Variants in SEMA3A observed in about 807,000 individuals in gnomAD.
SEMA3A encodes semaphorin 3A.
A neutral mutation model predicts 97.9 loss-of-function variants in SEMA3A; 29 were observed. The ratio of observed to expected loss-of-function variants is 0.30; its 90% CI spans 0.22 to 0.40. The LOEUF (loss-of-function observed/expected upper bound fraction) is 0.40. Ranked by LOEUF, SEMA3A falls within the 10% of genes least tolerant of loss-of-function variation. The pLI, the probability that SEMA3A is intolerant of heterozygous loss-of-function variation, is 1.00. For missense variants in SEMA3A, 763 were observed against 951.3 expected (o/e 0.80, Z 2.60); for synonymous variants, 321 against 323.7 (o/e 0.99, Z 0.09).
chr7:84,175,414 A>T (rs1797532351), intron 1 of SEMA3A, among the ~76,000 whole-genome samples: 1 of 152,208 alleles, frequency 6.6e-6, no homozygotes. Context: ...CTTATTTCAA[A>T]ATGCATTATG....
At chr7:84,424,773 T>A (rs1197580502) in intron 1 of SEMA3A, among the ~76,000 whole-genome samples, 39 of 101,264 alleles carry the variant, frequency 3.9e-4, no homozygotes, top group African/African-American at 1.4e-3. Context: ...TAGATATAAA[T>A]ATATAATATT....
chr7:84,304,247 C>T (rs1022338959), intron 3 of SEMA3A, among the ~76,000 whole-genome samples: 3 of 152,028 alleles, frequency 2.0e-5, no homozygotes, highest in African/African-American at 7.2e-5. Context: ...GGATGTAGAG[C>T]AGGGGTCAGC....
intron 4 of SEMA3A, among the ~76,000 whole-genome samples, chr7:84,061,530 A>G (rs769855612): frequency 2.6e-5 from 4 of 152,176 alleles, no homozygotes; most frequent in Non-Finnish European, 4.4e-5. Context: ...GTAGTACATT[A>G]AGTTGTCCAC....
At chr7:84,147,277 AT>A (rs1385520108) in intron 1 of SEMA3A, among the ~76,000 whole-genome samples, 2 of 152,210 alleles carry the variant, frequency 1.3e-5, no homozygotes, top group African/African-American at 4.8e-5. Context: ...ATTTATTTAA[AT>A]TGTTCTAATG....
intron 3 of SEMA3A, among the ~76,000 whole-genome samples, chr7:84,278,874 G>C (rs1411844737): frequency 2.0e-5 from 3 of 152,056 alleles, no homozygotes; most frequent in Non-Finnish European, 4.4e-5. Flanking sequence ...TGAGATTTGG[G>C]TGGGACACAT....
At chr7:84,385,838 C>T (rs986605351) in intron 1 of SEMA3A, among the ~76,000 whole-genome samples, 1 of 152,196 alleles carries the variant, frequency 6.6e-6, no homozygotes, top group Non-Finnish European at 1.5e-5. Context: ...ATTTTTCCAA[C>T]ACTGAAAAGC....
intron 1 of SEMA3A, among the ~76,000 whole-genome samples, chr7:84,462,844 T>G (rs1441794905): frequency 2.6e-5 from 4 of 152,186 alleles, no homozygotes; most frequent in African/African-American, 9.6e-5. Context: ...GATAGATAGA[T>G]AGCAGTTGTT....
At position 83,959,484 on chromosome 7, in the gene SEMA3A, A is replaced by G. The variant is rs1268305160; in HGVS notation, c.*1887T>C. 6.6e-6 allele frequency: 1 copy of G among 152,086 alleles called. No homozygotes were observed. Among genetic ancestry groups the G allele is most frequent in the Non-Finnish European group, 1.5e-5 (1 of 67,938 alleles). The allele number at this position is 152,086 out of a possible 1,614,324, so 9.4% of individuals were successfully genotyped here. A position where few individuals can be genotyped will look rare whatever the true frequency, so the allele number is the denominator to read the frequency against. ...ATACAGTACTTCCAAAAGCAACACCATATTAGTCAATGGAGCCTAAAATTG... is the reference window on the plus strand; with the variant it reads ...ATACAGTACTTCCAAAAGCAACACCGTATTAGTCAATGGAGCCTAAAATTG... On this transcript the variant is annotated 3_prime_UTR_variant, in exon 17 of 17. Coordinates refer to ENST00000265362, the MANE Select transcript of SEMA3A (RefSeq NM_006080.3).
At chr7:84,138,143 TA>T (rs748985475) in intron 1 of SEMA3A, among the ~76,000 whole-genome samples, 1 of 152,194 alleles carries the variant, frequency 6.6e-6, no homozygotes, top group African/African-American at 2.4e-5. Context: ...AGAAGTTAAA[TA>T]TTTGTAGGTT....
intron 4 of SEMA3A, among the ~76,000 whole-genome samples, chr7:84,106,108 G>A (rs559426795): frequency 5.1e-4 from 78 of 152,254 alleles, no homozygotes; most frequent in African/African-American, 1.8e-3. Flanking sequence ...AGGCATTCAC[G>A]ATACAGCTAA....
intron 1 of SEMA3A, among the ~76,000 whole-genome samples, chr7:84,424,496 TATATAATATATAAATATTAATATA>T (rs1178199374): frequency 9.8e-6 from 1 of 102,258 alleles, no homozygotes; most frequent in Non-Finnish European, 1.7e-5. Flanking sequence ...TGATATATAA[TATATAATATATAAATATTAATATA>T]TGTTATATAT....
chr7:84,356,418 C>T (rs1017240697), intron 2 of SEMA3A, among the ~76,000 whole-genome samples: 2 of 151,412 alleles, frequency 1.3e-5, no homozygotes, highest in Admixed American at 1.3e-4. Context: ...AAATAGCACT[C>T]TACTTTTTAA....
chr7:83,975,772 A>G (rs986288248), intron 15 of SEMA3A, among the ~76,000 whole-genome samples: 1 of 152,212 alleles, frequency 6.6e-6, no homozygotes, highest in African/African-American at 2.4e-5. Context: ...AGTGTAATGA[A>G]TTAATATTTC....
intron 5 of SEMA3A, among the ~76,000 whole-genome samples, chr7:84,055,014 T>C (rs1464962167): frequency 6.6e-6 from 1 of 152,092 alleles, no homozygotes; most frequent in Non-Finnish European, 1.5e-5. Flanking sequence ...GTTAGGCTGC[T>C]CAGGGGTCAG....
intron 1 of SEMA3A, among the ~76,000 whole-genome samples, chr7:84,152,040 CA>C (rs1796688395): frequency 6.7e-6 from 1 of 149,282 alleles, no homozygotes; most frequent in African/African-American, 2.5e-5. Context: ...AGTCAGGAAA[CA>C]ACAGGTGCTG....
chr7:84,235,970 A>G (rs1799226579), intron 3 of SEMA3A, among the ~76,000 whole-genome samples: 1 of 152,040 alleles, frequency 6.6e-6, no homozygotes, highest in African/African-American at 2.4e-5. Flanking sequence ...TCCTCCCACA[A>G]CTTCAAGTAT....
rs2116247193 is a variant in SEMA3A, at chr7:83,961,548, G to A, written c.2139C>T (p.Pro713=). ...YRDFMQLINH[P]NLNTMDEFCE... ...AGAACTCATCCATTGTGTTGAGATTGGGGTGGTTGATGAGCTGCATGAAGT... is the reference window on the plus strand; with the variant it reads ...AGAACTCATCCATTGTGTTGAGATTAGGGTGGTTGATGAGCTGCATGAAGT... The change falls in exon 17 of 17, where the codon CCC becomes CCT. Residue 713 remains proline, a synonymous_variant. Transcript: ENST00000265362. 1 of 1,614,036 alleles carries A rather than the reference G, an allele frequency of 6.2e-7. No individual in the cohort carries two copies. The highest frequency in any genetic ancestry group is 1.1e-5 in the South Asian group (1 of 91,080).
At chr7:83,987,280 G>A (rs1402408764) in intron 12 of SEMA3A, among the ~76,000 whole-genome samples, 1 of 152,040 alleles carries the variant, frequency 6.6e-6, no homozygotes, top group Non-Finnish European at 1.5e-5. Context: ...ATTAAAAAGT[G>A]TATTATGGAA....
intron 1 of SEMA3A, among the ~76,000 whole-genome samples, chr7:84,439,625 C>T (rs1328260345): frequency 6.6e-6 from 1 of 152,054 alleles, no homozygotes; most frequent in Non-Finnish European, 1.5e-5. Flanking sequence ...CAAAGGTTAG[C>T]CACCCACTAA....
Sources: allele counts gnomAD v4.1 joint callset (sites outside exome capture counted in the v4.1 genomes callset), GRCh38; gene constraint gnomAD v4.1.1; transcripts MANE v1.5; gene names NCBI Gene and HGNC (gene_info 2026-07-23, HGNC 2026-07-21).